ARFGEF3: variants seen among roughly 807,000 people sequenced by gnomAD.
The protein encoded by ARFGEF3 is brefeldin A-inhibited guanine nucleotide-exchange protein 3.
Under a neutral mutation model 221.7 loss-of-function variants are expected in ARFGEF3, and 96 were observed. That is an observed-to-expected ratio of 0.43 (90% confidence interval 0.37 to 0.51). The LOEUF is 0.51. Ranked by LOEUF, ARFGEF3 falls within the 20% of genes least tolerant of loss-of-function variation. The pLI is 0.00. For missense variants in ARFGEF3, 2,410 were observed against 2,789.9 expected (o/e 0.86, Z 3.07); for synonymous variants, 1,145 against 1,126.8 (o/e 1.02, Z -0.32).
At chr6:138,259,559 T>G (rs977423504) in intron 10 of ARFGEF3, among the ~76,000 whole-genome samples, 1 of 152,180 alleles carries the variant, frequency 6.6e-6, no homozygotes, top group African/African-American at 2.4e-5. Context: ...TCGTTTTAGT[T>G]TTTGTTGAGG....
intron 4 of ARFGEF3, among the ~76,000 whole-genome samples, chr6:138,226,643 A>G (rs984766247): frequency 6.6e-6 from 1 of 152,188 alleles, no homozygotes; most frequent in Non-Finnish European, 1.5e-5. Context: ...AATTGCCCTC[A>G]ATATTTAGCT....
At chr6:138,318,251 A>C (rs1278444182) in intron 27 of ARFGEF3, among the ~76,000 whole-genome samples, 1 of 152,252 alleles carries the variant, frequency 6.6e-6, no homozygotes, top group Non-Finnish European at 1.5e-5. Context: ...CACTATTTCT[A>C]AATCTGTTTT....
chr6:138,164,799 C>T (rs1776688946), intron 1 of ARFGEF3, among the ~76,000 whole-genome samples: 1 of 152,190 alleles, frequency 6.6e-6, no homozygotes, highest in Non-Finnish European at 1.5e-5. Context: ...GCTCATGAAT[C>T]AACACATTTA....
intron 22 of ARFGEF3, among the ~76,000 whole-genome samples, chr6:138,304,054 A>G (rs959241952): frequency 2.0e-5 from 3 of 152,278 alleles, no homozygotes; most frequent in Middle Eastern, 3.4e-3. Flanking sequence ...ACAAATGTTC[A>G]TAGTAACATT....
intron 22 of ARFGEF3, 118 bp downstream of exon 22, chr6:138,298,903 G>A (rs17067385): frequency 0.019 from 15,834 of 831,426 alleles, 1,108 homozygotes; most frequent in African/African-American, 0.19. Flanking sequence ...AATCTGTAAC[G>A]GAGAAGTTAA....
At chr6:138,203,831 C>T (rs537361427) in intron 2 of ARFGEF3, among the ~76,000 whole-genome samples, 29 of 151,970 alleles carry the variant, frequency 1.9e-4, no homozygotes, top group African/African-American at 5.5e-4. Context: ...TTAGTAGAGA[C>T]GGGGTTTCAC....
Position 138,262,809 on chromosome 6 carries a change from G to A in ARFGEF3, c.1326G>A (p.Gln442=), listed in dbSNP as rs746173663. The A allele has an allele frequency of 1.2e-6, 2 of 1,614,062 alleles. No homozygotes were observed. Among genetic ancestry groups the A allele is most frequent in the South Asian group, 2.2e-5 (2 of 91,082 alleles). The part of the protein sequence containing the change: ...TLLGALDELS[Q]GKGLSEGQVQ... ...TGGGTGCCCTGGATGAGCTCAGCCAGGGGAAGGGCTTGAGCGAAGGTCAGG... is the reference window on the plus strand; with the variant it reads ...TGGGTGCCCTGGATGAGCTCAGCCAAGGGAAGGGCTTGAGCGAAGGTCAGG... Residue 442 remains glutamine (Q), a synonymous_variant, in exon 12 of 34, where the codon CAG becomes CAA. Transcript: ENST00000251691.
chr6:138,194,915 G>A (rs971196260), intron 2 of ARFGEF3, among the ~76,000 whole-genome samples: 1 of 151,468 alleles, frequency 6.6e-6, no homozygotes, highest in African/African-American at 2.4e-5. Context: ...CAGTGTTCAG[G>A]CCATAAAGCT....
At chr6:138,215,896 G>A (rs1002749961) in intron 4 of ARFGEF3, 100 of 95,368 alleles carry the variant, frequency 1.0e-3, no homozygotes, top group African/African-American at 5.1e-3. Flanking sequence ...GTGAAAGAGA[G>A]AGAGAGAGAG....
rs965235504 is a variant in ARFGEF3, at chr6:138,286,919, A to G, written c.2785+3A>G. ...CGCACGGCTGAGCTGCGCTCTAGGT[A>G]CCAGCGGGAGTAGTGTTCCCTGGCC... On this transcript the variant is annotated splice_donor_region_variant and intron_variant, in intron 16 of 33. Coordinates refer to ENST00000251691, the MANE Select transcript of ARFGEF3 (RefSeq NM_020340.5). 5 of 1,612,644 alleles carry G rather than the reference A, an allele frequency of 3.1e-6. No individual in the cohort carries two copies. Among genetic ancestry groups the G allele is most frequent in the Non-Finnish European group, 4.2e-6 (5 of 1,179,752 alleles).
Position 138,336,444 on chromosome 6 carries a change from G to A in ARFGEF3, c.6492G>A (p.Glu2164=), listed in dbSNP as rs753214972. 1.9e-6 allele frequency: 3 copies of A among 1,613,062 alleles called. No homozygotes were observed. The highest frequency in any genetic ancestry group is 1.7e-6 in the Non-Finnish European group (2 of 1,179,534). ...TDIRVRQAVR[E]WLGRVGRVYD... ...TCAGAGTTCGCCAGGCTGTGAGGGA[G>A]TGGCTGGGCAGGGTGGGCCGTGTCT... The change falls in exon 34 of 34, where the codon GAG becomes GAA. Residue 2164 remains glutamate, a synonymous_variant. Transcript: ENST00000251691.
chr6:138,325,842 T>C (rs1173801215), intron 31 of ARFGEF3, among the ~76,000 whole-genome samples: 1 of 151,896 alleles, frequency 6.6e-6, no homozygotes, highest in Non-Finnish European at 1.5e-5. Context: ...TTCTGTTGTT[T>C]TTGTTGTTGT....
intron 12 of ARFGEF3, among the ~76,000 whole-genome samples, chr6:138,272,741 G>A (rs1779027551): frequency 6.6e-6 from 1 of 152,232 alleles, no homozygotes; most frequent in Non-Finnish European, 1.5e-5. Flanking sequence ...TATCACGAAG[G>A]TTTAGAAAGC....
At chr6:138,234,447 GA>G (rs1353133983) in intron 5 of ARFGEF3, among the ~76,000 whole-genome samples, 1 of 151,800 alleles carries the variant, frequency 6.6e-6, no homozygotes, top group Non-Finnish European at 1.5e-5. Flanking sequence ...CTGTTTCCTA[GA>G]AATAATAAAA....
In ARFGEF3 at chr6:138,292,036, C is replaced by T. The variant is rs1313044621; in HGVS notation, c.3351C>T (p.Leu1117=). ...GCGCGGCCAAGGTGGTGCTCACCCTCTCCACGCAAGCCGACAGGTGCGCGG... is the reference window on the plus strand; with the variant it reads ...GCGCGGCCAAGGTGGTGCTCACCCTTTCCACGCAAGCCGACAGGTGCGCGG... ...GSSAAKVVLT[L]STQADRLFED... The change falls in exon 19 of 34, where the codon CTC becomes CTT. Residue 1117 remains leucine, a synonymous_variant. Transcript: ENST00000251691. 5 of 1,461,810 alleles carry T rather than the reference C, an allele frequency of 3.4e-6. No homozygotes were observed. The highest frequency in any genetic ancestry group is 5.5e-5 in the East Asian group (2 of 36,502). The allele number at this position is 1,461,810 out of a possible 1,614,324, so 90.6% of individuals were successfully genotyped here. A position where few individuals can be genotyped will look rare whatever the true frequency, so the allele number is the denominator to read the frequency against.
rs1779370205 is a variant in ARFGEF3 at position 138,289,973 on chromosome 6, A to G, written c.3047+5A>G. ...CTGCTGGCCACACGTGTTCAGGTGC[A>G]TGACGGGCTCCCACCCCCAGATGGC... On this transcript the variant is annotated splice_donor_5th_base_variant and intron_variant, in intron 18 of 33. Transcript: ENST00000251691. 2 of 1,604,222 alleles carry G rather than the reference A, an allele frequency of 1.2e-6. No individual in the cohort carries two copies. The highest frequency in any genetic ancestry group is 1.7e-6 in the Non-Finnish European group (2 of 1,174,686).
chr6:138,256,021 G>T, intron 10 of ARFGEF3, among the ~76,000 whole-genome samples: 1 of 152,170 alleles, frequency 6.6e-6, no homozygotes, highest in East Asian at 1.9e-4. Context: ...TTAAGACTCT[G>T]TTAGATGTGC....
intron 5 of ARFGEF3, among the ~76,000 whole-genome samples, chr6:138,237,738 T>A (rs1007475999): frequency 6.6e-6 from 1 of 151,928 alleles, no homozygotes. Context: ...AATGACAGCG[T>A]AGGTGCAAGG....
intron 2 of ARFGEF3, among the ~76,000 whole-genome samples, chr6:138,175,790 G>A (rs1345306849): frequency 6.6e-6 from 1 of 152,188 alleles, no homozygotes; most frequent in African/African-American, 2.4e-5. Flanking sequence ...TAAGTCCAAT[G>A]TCTCTTTGTT....
Sources: gnomAD v4.1 joint callset for allele counts (sites outside exome capture counted in the v4.1 genomes callset) on GRCh38, gnomAD v4.1.1 for gene constraint, MANE v1.5 for transcripts, NCBI Gene and HGNC (gene_info 2026-07-23, HGNC 2026-07-21) for gene names.